Variants in MIS18A observed in about 807,000 individuals in gnomAD.
MIS18A encodes the protein protein Mis18-alpha.
A neutral mutation model predicts 25.0 loss-of-function variants in MIS18A; 14 were observed. The ratio of observed to expected loss-of-function variants is 0.56; its 90% CI spans 0.37 to 0.88. MIS18A has a LOEUF of 0.88. MIS18A is among the 40% of genes least tolerant of loss of function. The pLI, the probability that MIS18A is intolerant of heterozygous loss-of-function variation, is 0.00. For synonymous variants in MIS18A, 134 were observed against 118.6 expected (o/e 1.13, Z -0.84); for missense variants, 292 against 290.8 (o/e 1.00, Z -0.03).
the MIS18A span, among the ~76,000 whole-genome samples, chr21:32,230,454 T>G: frequency 1.1e-4 from 16 of 152,290 alleles, no homozygotes; most frequent in South Asian, 4.1e-4. Context: ...ATAAGGGACT[T>G]AAAGCCCAAA....
the MIS18A span, among the ~76,000 whole-genome samples, chr21:32,219,750 G>A: frequency 6.6e-6 from 1 of 152,182 alleles, no homozygotes; most frequent in East Asian, 1.9e-4. Context: ...TGCCAGCACA[G>A]CAGTCTGAAG....
chr21:32,226,477 A>C, the MIS18A span, among the ~76,000 whole-genome samples: 1 of 152,186 alleles, frequency 6.6e-6, no homozygotes. Context: ...ACTTTATACA[A>C]AAATCGTTAC....
the MIS18A span, among the ~76,000 whole-genome samples, chr21:32,192,378 T>G: frequency 6.6e-6 from 1 of 152,090 alleles, no homozygotes; most frequent in Non-Finnish European, 1.5e-5. Context: ...TCAGGAACAA[T>G]GTCACTGAGG....
At chr21:32,156,751 G>A in the MIS18A span, among the ~76,000 whole-genome samples, 1 of 152,154 alleles carries the variant, frequency 6.6e-6, no homozygotes, top group East Asian at 1.9e-4. Context: ...ATCTATGAGG[G>A]ATATCAGATT....
At chr21:32,239,955 C>T in the MIS18A span, among the ~76,000 whole-genome samples, 2 of 152,314 alleles carry the variant, frequency 1.3e-5, no homozygotes, top group African/African-American at 4.8e-5. Flanking sequence ...TTTCCTGAAC[C>T]ACAGACATCT....
chr21:32,244,322 T>C, the MIS18A span, among the ~76,000 whole-genome samples: 5 of 152,156 alleles, frequency 3.3e-5, no homozygotes, highest in Non-Finnish European at 5.9e-5. Flanking sequence ...GTAAATATGC[T>C]ACATTATAAT....
At chr21:32,184,266 C>T in the MIS18A span, among the ~76,000 whole-genome samples, 1 of 152,230 alleles carries the variant, frequency 6.6e-6, no homozygotes, top group African/African-American at 2.4e-5. Flanking sequence ...GGTGAGGCTG[C>T]ACAGCAGGGC....
At chr21:32,260,871 G>C in the MIS18A span, 3 of 152,208 alleles carry the variant, frequency 2.0e-5, no homozygotes, top group Non-Finnish European at 4.4e-5. Flanking sequence ...AATTAGCCGG[G>C]CGTGGTGGCA....
chr21:32,241,976 T>C, the MIS18A span, among the ~76,000 whole-genome samples: 1 of 152,234 alleles, frequency 6.6e-6, no homozygotes, highest in Non-Finnish European at 1.5e-5. Flanking sequence ...CCTCCCGGGT[T>C]CACGCCACTC....
chr21:32,265,282 G>T (rs1297543931), downstream of MIS18A, among the ~76,000 whole-genome samples: 1 of 152,198 alleles, frequency 6.6e-6, no homozygotes, highest in African/African-American at 2.4e-5. Context: ...CCCTTTCTGG[G>T]CTGGCCAAGG....
intron 2 of MIS18A, among the ~76,000 whole-genome samples, chr21:32,271,680 A>G (rs1382502228): frequency 6.6e-6 from 1 of 152,168 alleles, no homozygotes; most frequent in Non-Finnish European, 1.5e-5. Flanking sequence ...TCCTAGCCTC[A>G]AGCAATCCTC....
At chr21:32,255,838 C>G in the MIS18A span, among the ~76,000 whole-genome samples, 2 of 151,456 alleles carry the variant, frequency 1.3e-5, no homozygotes, top group African/African-American at 4.8e-5. Context: ...TTGCAGAGAG[C>G]CAAGAACGTG....
chr21:32,204,316 A>T, the MIS18A span, among the ~76,000 whole-genome samples: 1 of 151,848 alleles, frequency 6.6e-6, no homozygotes, highest in African/African-American at 2.4e-5. Context: ...GGCCAAGATC[A>T]TGAAACCCCA....
chr21:32,176,052 G>T, the MIS18A span, among the ~76,000 whole-genome samples: 2 of 152,194 alleles, frequency 1.3e-5, no homozygotes, highest in East Asian at 3.9e-4. Context: ...AACATGCATG[G>T]AGCTGTCTAT....
chr21:32,176,094 G>A, the MIS18A span, among the ~76,000 whole-genome samples: 2 of 152,102 alleles, frequency 1.3e-5, no homozygotes, highest in South Asian at 2.1e-4. Context: ...AATACCTCCC[G>A]AAGGACATGC....
At chr21:32,187,581 C>T in the MIS18A span, among the ~76,000 whole-genome samples, 1,279 of 152,224 alleles carry the variant, frequency 8.4e-3, 14 homozygotes, top group African/African-American at 0.022. Context: ...CACTCTGTGC[C>T]CCATAAAAGG....
chr21:32,236,449 C>T, the MIS18A span, among the ~76,000 whole-genome samples: 443 of 126,486 alleles, frequency 3.5e-3, 1 homozygote, highest in South Asian at 6.7e-3. Context: ...AAACAGAAAC[C>T]CAAAATAACA....
the MIS18A span, among the ~76,000 whole-genome samples, chr21:32,262,856 C>T: frequency 3.3e-5 from 5 of 152,114 alleles, no homozygotes; most frequent in Admixed American, 3.3e-4. Flanking sequence ...ACTCTAGGCC[C>T]CAGCACATCC....
the MIS18A span, among the ~76,000 whole-genome samples, chr21:32,215,184 C>T: frequency 6.6e-6 from 1 of 152,156 alleles, no homozygotes; most frequent in Non-Finnish European, 1.5e-5. Flanking sequence ...GATTTAAAAG[C>T]CTCCAAAAGA....
Sources: allele counts gnomAD v4.1 joint callset (sites outside exome capture counted in the v4.1 genomes callset), GRCh38; gene constraint gnomAD v4.1.1; transcripts MANE v1.5; gene names NCBI Gene and HGNC (gene_info 2026-07-23, HGNC 2026-07-21).